The following MYO6 variants were observed in gnomAD, a reference collection of about 807,000 sequenced individuals.
MYO6 encodes unconventional myosin-VI.
MYO6 carries 74 observed loss-of-function variants against 178.7 expected under a neutral mutation model. The observed-to-expected ratio is 0.41, with a 90% CI of 0.34 to 0.50. MYO6 has a LOEUF of 0.50. MYO6 is among the 20% of genes least tolerant of loss of function. MYO6 has a pLI of 0.09. For missense variants in MYO6, 1,330 were observed against 1,547.4 expected (o/e 0.86, Z 2.36); for synonymous variants, 477 against 504.6 (o/e 0.95, Z 0.73).
At chr6:75,753,437 A>G (rs1454548412) in intron 1 of MYO6, among the ~76,000 whole-genome samples, 1 of 135,866 alleles carries the variant, frequency 7.4e-6, no homozygotes, top group African/African-American at 2.9e-5. Flanking sequence ...TCTATGATCT[A>G]TATATGTGTG....
intron 20 of MYO6, among the ~76,000 whole-genome samples, chr6:75,875,443 TA>T (rs965692459): frequency 6.6e-6 from 1 of 152,076 alleles, no homozygotes; most frequent in Non-Finnish European, 1.5e-5. Context: ...CCCAGCTAAT[TA>T]AAAAAAATTT....
chr6:75,858,154 G>A (rs1775885930), intron 13 of MYO6, among the ~76,000 whole-genome samples: 1 of 151,850 alleles, frequency 6.6e-6, no homozygotes, highest in Non-Finnish European at 1.5e-5. Context: ...GTGTATCTTA[G>A]ACATCATGCA....
At chr6:75,851,720 C>T (rs1187837638) in intron 11 of MYO6, among the ~76,000 whole-genome samples, 2 of 151,962 alleles carry the variant, frequency 1.3e-5, no homozygotes, top group Non-Finnish European at 2.9e-5. Flanking sequence ...TGGTGCATGC[C>T]TGTAGTCCCA....
intron 32 of MYO6, among the ~76,000 whole-genome samples, chr6:75,909,682 A>G (rs1780610351): frequency 6.6e-6 from 1 of 152,214 alleles, no homozygotes; most frequent in South Asian, 2.1e-4. Context: ...TACTGTGTTC[A>G]AATTGGCACA....
rs1412131346 is a variant in MYO6 at position 75,761,598 on chromosome 6, C to CACACACA, written c.-48+12176_-48+12182dup. ...TTAGAAAATGGGCTGTTAGAACACA[C>CACACACA]ACACACACACACACACACACACACA... is the stretch of plus-strand genomic sequence containing the variant. On this transcript the variant is annotated intron_variant, in intron 1 of 34. Transcript: ENST00000369977. 2.7e-5 allele frequency among the ~76,000 whole-genome samples: 4 copies of CACACACA among 150,460 alleles called. No individual in the cohort carries two copies. The East Asian group carries it at 7.8e-4, about 29-fold the overall frequency.
chr6:75,821,783 C>T (rs1483948533), intron 2 of MYO6, among the ~76,000 whole-genome samples: 1 of 152,162 alleles, frequency 6.6e-6, no homozygotes, highest in East Asian at 1.9e-4. Context: ...TTATAAATAA[C>T]TGTGAGAATG....
intron 28 of MYO6, 147 bp downstream of exon 28, chr6:75,892,837 G>A (rs1243373119): frequency 1.2e-6 from 1 of 835,478 alleles, no homozygotes; most frequent in Non-Finnish European, 1.8e-6. Context: ...AAAATTATTT[G>A]TATCGACTTT....
intron 1 of MYO6, among the ~76,000 whole-genome samples, chr6:75,767,032 T>A (rs964660292): frequency 6.7e-6 from 1 of 148,492 alleles, no homozygotes; most frequent in Non-Finnish European, 1.5e-5. Context: ...AATTCATTCT[T>A]TTTTTTTTTT....
intron 19 of MYO6, among the ~76,000 whole-genome samples, chr6:75,872,432 G>C (rs1218623870): frequency 6.6e-6 from 1 of 152,154 alleles, no homozygotes; most frequent in African/African-American, 2.4e-5. Flanking sequence ...GTATGTTTTT[G>C]AAATAGAATG....
intron 15 of MYO6, among the ~76,000 whole-genome samples, chr6:75,862,111 T>C (rs1776257358): frequency 1.3e-5 from 2 of 152,252 alleles, no homozygotes; most frequent in Admixed American, 6.5e-5. Flanking sequence ...GTTTACATTT[T>C]ATAGTTAGTT....
At chr6:75,804,940 T>TATATACACATATGTACAC in intron 1 of MYO6, among the ~76,000 whole-genome samples, 1 of 146,170 alleles carries the variant, frequency 6.8e-6, no homozygotes, top group African/African-American at 2.5e-5. Context: ...CATATATACA[T>TATATACACATATGTACAC]ATATACACAT....
chr6:75,756,349 T>C (rs928911112), intron 1 of MYO6, among the ~76,000 whole-genome samples: 2 of 152,216 alleles, frequency 1.3e-5, no homozygotes, highest in African/African-American at 4.8e-5. Flanking sequence ...TTCTTTTTTT[T>C]TGAGACGGAG....
At chr6:75,769,040 C>T (rs1347006317) in intron 1 of MYO6, among the ~76,000 whole-genome samples, 1 of 152,094 alleles carries the variant, frequency 6.6e-6, no homozygotes, top group African/African-American at 2.4e-5. Flanking sequence ...TTTAAACAAC[C>T]AGATTTCTTG....
chr6:75,902,381 T>A (rs1007008113), intron 30 of MYO6, among the ~76,000 whole-genome samples: 1 of 152,224 alleles, frequency 6.6e-6, no homozygotes, highest in Non-Finnish European at 1.5e-5. Flanking sequence ...GGTAAGCTAT[T>A]GATTATTGCC....
intron 14 of MYO6, among the ~76,000 whole-genome samples, chr6:75,859,905 C>G (rs1347193271): frequency 2.0e-5 from 3 of 152,176 alleles, no homozygotes; most frequent in African/African-American, 2.4e-5. Context: ...GGTGATCTGC[C>G]TGCCTCAGCC....
At chr6:75,800,232 G>A (rs1264930464) in intron 1 of MYO6, among the ~76,000 whole-genome samples, 1 of 152,032 alleles carries the variant, frequency 6.6e-6, no homozygotes, top group African/African-American at 2.4e-5. Context: ...ATTCAAAATT[G>A]GTATGCGGCT....
In MYO6 at chr6:75,873,587, A is replaced by G. The variant is rs1407510; in HGVS notation, c.2077+287A>G. ...TCTGTTTTAGAAAAGAAAAGAAAAG[A>G]AAAGCATAGATGGCAAATTATTTGA... On this transcript the variant is annotated intron_variant, in intron 20 of 34. Coordinates refer to ENST00000369977, the MANE Select transcript of MYO6 (RefSeq NM_004999.4). 0.34 allele frequency among the ~76,000 whole-genome samples: 51,409 copies of G among 152,074 alleles called. 9,586 individuals carry two copies. Among genetic ancestry groups the G allele is most frequent in the Admixed American group, 0.48 (7,341 of 15,274 alleles).
rs149817956 is a variant in MYO6, at chr6:75,848,423, A to G, written c.970A>G (p.Met324Val). The G allele has an allele frequency of 1.2e-6, 2 of 1,613,904 alleles. No homozygotes were observed. The highest frequency in any genetic ancestry group is 1.1e-5 in the South Asian group (1 of 91,078). ...TGATTTTATTAGAATGTGCACGGCT[A>G]TGAAAAAAATTGGTTTGGATGATGA... is the stretch of plus-strand genomic sequence containing the variant. ...HGDFIRMCTAMKKIGLDDEEK... is the reference protein window; with the variant it reads ...HGDFIRMCTAVKKIGLDDEEK... The change falls in exon 11 of 35, where the codon ATG becomes GTG. Residue 324 changes from methionine to valine, a missense_variant. Transcript: ENST00000369977.
intron 20 of MYO6, among the ~76,000 whole-genome samples, chr6:75,876,797 T>C (rs868033086): frequency 6.6e-6 from 1 of 152,170 alleles, no homozygotes; most frequent in Non-Finnish European, 1.5e-5. Flanking sequence ...GATAATGATA[T>C]AGAATTTGTT....
Sources: gnomAD v4.1 joint callset for allele counts (sites outside exome capture counted in the v4.1 genomes callset) on GRCh38, gnomAD v4.1.1 for gene constraint, MANE v1.5 for transcripts, NCBI Gene and HGNC (gene_info 2026-07-23, HGNC 2026-07-21) for gene names.